The following VCL variants were observed in gnomAD, a reference collection of about 807,000 sequenced individuals.
VCL encodes the protein epididymis luminal protein 114.
VCL carries 47 observed loss-of-function variants against 125.7 expected under a neutral mutation model. The observed-to-expected ratio is 0.37, with a 90% CI of 0.30 to 0.48. The LOEUF is 0.48. Among genes scored for constraint, VCL ranks in the 20% least tolerant of loss-of-function variants. VCL has a pLI of 0.99. For missense variants in VCL, 1,069 were observed against 1,455.5 expected (o/e 0.73, Z 4.32); for synonymous variants, 458 against 514.6 (o/e 0.89, Z 1.49).
At chr10:74,094,982 G>A (rs960701925) in intron 11 of VCL, among the ~76,000 whole-genome samples, 3 of 152,176 alleles carry the variant, frequency 2.0e-5, no homozygotes, top group African/African-American at 4.8e-5. Context: ...GTTATGCCCA[G>A]TGTTGTGAGG....
At chr10:74,074,416 G>C (rs1162009531) in intron 5 of VCL, among the ~76,000 whole-genome samples, 1 of 152,174 alleles carries the variant, frequency 6.6e-6, no homozygotes, top group Non-Finnish European at 1.5e-5. Flanking sequence ...AGTAGATGGA[G>C]CCAGGGTGAG....
intron 1 of VCL, among the ~76,000 whole-genome samples, chr10:74,033,324 G>A (rs1223630049): frequency 6.6e-6 from 1 of 152,216 alleles, no homozygotes; most frequent in Non-Finnish European, 1.5e-5. Flanking sequence ...GTAGATTAGT[G>A]TTTACCTAAG....
intron 1 of VCL, chr10:74,005,077 G>C (rs996995425): frequency 6.6e-6 from 1 of 152,066 alleles, no homozygotes; most frequent in African/African-American, 2.4e-5. Flanking sequence ...AACAGATGAA[G>C]AGTTTTTGTG....
chr10:74,070,530 T>A (rs1001838873), intron 2 of VCL, 140 bp from the exon 3 acceptor site: 11 of 1,189,832 alleles, frequency 9.2e-6, no homozygotes, highest in Non-Finnish European at 1.4e-5. Flanking sequence ...AAAACGTAGG[T>A]TCTATTATCA....
rs542514883 is a variant in VCL, at chr10:74,097,852, A to C, written c.1872+520A>C. On this transcript the variant is annotated intron_variant, in intron 13 of 21. Coordinates refer to ENST00000211998, the MANE Select transcript of VCL (RefSeq NM_014000.3). The surrounding 1 kb of genome is among the most constrained non-coding windows in gnomAD (Gnocchi z 4.1). ...CCCAGAGTAAAACCAGAGTGCTAAC[A>C]ATGAAGAAAATTGCCAGCGATGTGC... Among the ~76,000 whole-genome samples the C allele has an allele frequency of 6.6e-6, 1 of 152,318 alleles. No individual in the cohort carries two copies. Among genetic ancestry groups the C allele is most frequent in the South Asian group, 2.1e-4 (1 of 4,826 alleles).
chr10:74,022,686 G>A (rs1840695622), intron 1 of VCL, among the ~76,000 whole-genome samples: 1 of 151,092 alleles, frequency 6.6e-6, no homozygotes. Flanking sequence ...GCCCAGGCTG[G>A]AGTGCAATGA....
chr10:74,055,870 A>G (rs1373735105), intron 2 of VCL, among the ~76,000 whole-genome samples: 1 of 152,200 alleles, frequency 6.6e-6, no homozygotes, highest in African/African-American at 2.4e-5. Flanking sequence ...CACTGACGCT[A>G]GATTTGACAA....
At chr10:74,083,309 C>G in intron 7 of VCL, 57 bp from the exon 8 acceptor site, 1 of 1,604,874 alleles carries the variant, frequency 6.2e-7, no homozygotes, top group Non-Finnish European at 8.5e-7. Flanking sequence ...TGTAAAGTAT[C>G]CTCTCTAAAT....
At chr10:74,106,770 G>C (rs1840142340) in intron 16 of VCL, among the ~76,000 whole-genome samples, 1 of 152,238 alleles carries the variant, frequency 6.6e-6, no homozygotes, top group Non-Finnish European at 1.5e-5. Flanking sequence ...GAGTAGCGCA[G>C]CTCAGCATAA....
At chr10:74,057,578 TTTAATA>T (rs961321188) in intron 2 of VCL, among the ~76,000 whole-genome samples, 9 of 152,144 alleles carry the variant, frequency 5.9e-5, no homozygotes, top group Non-Finnish European at 1.2e-4. Context: ...GGGTCTGGAC[TTTAATA>T]TTATCTTCAA....
intron 1 of VCL, among the ~76,000 whole-genome samples, chr10:74,020,591 A>G (rs1223549270): frequency 6.6e-6 from 1 of 152,146 alleles, no homozygotes; most frequent in African/African-American, 2.4e-5. Context: ...CTGTAATCCC[A>G]ACACCTTGGG....
In VCL at chr10:74,038,186, G is replaced by A. The variant is rs142213341; in HGVS notation, c.169-4897G>A. On this transcript the variant is annotated intron_variant, in intron 1 of 21. Transcript: ENST00000211998. ...TAATTTTTGTATTTTTAGTAGAGAC[G>A]GGGTTTCGCCATGTTGGCCAGGGTG... Among the ~76,000 whole-genome samples the A allele has an allele frequency of 3.8e-3, 575 of 151,978 alleles. 3 individuals are homozygous for A. Among genetic ancestry groups the A allele is most frequent in the African/African-American group, 0.013 (553 of 41,456 alleles).
chr10:74,117,988 A>ACCCTGGT, intron 21 of VCL, 35 bp from the exon 22 acceptor site: 1 of 1,612,996 alleles, frequency 6.2e-7, no homozygotes, highest in Non-Finnish European at 8.5e-7. Context: ...TGCATCAGGG[A>ACCCTGGT]CCCTGGGTAA....
intron 5 of VCL, 150 bp from the exon 6 acceptor site, chr10:74,074,593 C>T (rs1591689528): frequency 1.2e-6 from 1 of 867,856 alleles, no homozygotes; most frequent in South Asian, 1.8e-5. Context: ...AATGTTGGAA[C>T]TTTATTGTCA....
At chr10:74,085,514 TCCTAAAG>T (rs1564526922) in intron 8 of VCL, among the ~76,000 whole-genome samples, 2 of 152,192 alleles carry the variant, frequency 1.3e-5, no homozygotes, top group Admixed American at 6.5e-5. Flanking sequence ...CCTTTTACCC[TCCTAAAG>T]CCTTGGCCTT....
intron 1 of VCL, among the ~76,000 whole-genome samples, chr10:74,011,441 G>A (rs73278498): frequency 6.7e-4 from 102 of 152,198 alleles, no homozygotes; most frequent in African/African-American, 2.4e-3. Context: ...CTCTCCTAGG[G>A]TGTCTCCCTT....
In VCL at chr10:74,074,827, A is replaced by G; in HGVS notation, c.707A>G (p.Lys236Arg). The G allele has an allele frequency of 6.2e-7, 1 of 1,614,188 alleles. No homozygotes were observed. The highest frequency in any genetic ancestry group is 8.5e-7 in the Non-Finnish European group (1 of 1,180,026). Residue 236 changes from lysine to arginine, a missense_variant, in exon 6 of 22, where the codon AAA becomes AGA. Lys to Arg is a conservative substitution (Grantham distance 26, BLOSUM62 2). Coordinates refer to ENST00000211998, the MANE Select transcript of VCL (RefSeq NM_014000.3). ...AAAAATCGCAATTTTACTGTAGAAA[A>G]AATGAGTGCTGAAATTAATGAGATA... is the stretch of plus-strand genomic sequence containing the variant. ...ALKNRNFTVE[K>R]MSAEINEIIR...
chr10:74,027,643 C>CAAAAAAAAAAAAAAAAAAAAAAAAAA (rs57887979), intron 1 of VCL: 1 of 76,300 alleles, frequency 1.3e-5, no homozygotes, highest in Admixed American at 1.5e-4. Context: ...GAGACTGTCT[C>CAAAAAAAAAAAAAAAAAAAAAAAAAA]AAAAAAAAAA....
chr10:74,079,403 G>A (rs928175107), intron 6 of VCL, among the ~76,000 whole-genome samples: 2 of 152,162 alleles, frequency 1.3e-5, no homozygotes, highest in African/African-American at 2.4e-5. Flanking sequence ...AGCTTTTACA[G>A]AGAAGAATAC....
Sources: gnomAD v4.1 joint callset for allele counts (sites outside exome capture counted in the v4.1 genomes callset) on GRCh38, gnomAD v4.1.1 for gene constraint, Gnocchi (gnomAD v3.1) non-coding constraint, MANE v1.5 for transcripts, NCBI Gene and HGNC (gene_info 2026-07-23, HGNC 2026-07-21) for gene names.